HJURP: variants seen among roughly 807,000 people sequenced by gnomAD.
HJURP encodes 14-3-3-associated AKT substrate.
In HJURP, 49 loss-of-function variants were observed where a neutral mutation model predicts 72.0. The observed-to-expected ratio is 0.68, with a 90% CI of 0.54 to 0.86. The LOEUF (loss-of-function observed/expected upper bound fraction) is 0.86, where lower values mean the gene tolerates loss of function less well. Ranked by LOEUF, HJURP falls within the 40% of genes least tolerant of loss-of-function variation. HJURP has a pLI of 0.00. For synonymous variants in HJURP, 357 were observed against 347.1 expected (o/e 1.03, Z -0.32); for missense variants, 908 against 936.3 (o/e 0.97, Z 0.39).
intron 3 of HJURP, among the ~76,000 whole-genome samples, chr2:233,851,300 G>A (rs929724057): frequency 5.3e-5 from 8 of 152,132 alleles, no homozygotes; most frequent in Non-Finnish European, 1.2e-4. Context: ...GACAAGGACC[G>A]GGATTTTCTC....
Position 233,841,187 on chromosome 2 carries a change from G to C in HJURP, c.1593C>G (p.His531Gln), listed in dbSNP as rs1188807838. 7 of 1,614,098 alleles carry C rather than the reference G, an allele frequency of 4.3e-6. No individual in the cohort carries two copies. In the African/African-American group the frequency reaches 9.3e-5, roughly 22 times the overall value. The part of the protein sequence containing the change: ...SSSLPKTNPT[H>Q]SATRPQQTSD... Reference sequence around the variant, plus strand: ...ATGTCTGCTGCGGGCGAGTTGCGCTGTGTGTGGGGTTGGTCTTTGGAAGTG... The same window carrying C: ...ATGTCTGCTGCGGGCGAGTTGCGCTCTGTGTGGGGTTGGTCTTTGGAAGTG... The change falls in exon 8 of 9, where the codon CAC (histidine) becomes CAG (glutamine). Residue 531 changes from histidine (H) to glutamine (Q), a missense_variant. His to Gln is a conservative substitution (Grantham distance 24, BLOSUM62 0). Around this residue, in one of 3 missense-constraint regions of HJURP, gnomAD observed 598 missense variants for 619.5 expected, o/e 0.97. Coordinates refer to ENST00000411486, the MANE Select transcript of HJURP (RefSeq NM_018410.5).
Position 233,849,844 on chromosome 2 carries a change from G to C in HJURP, c.256C>G (p.Pro86Ala). 1 of 1,551,644 alleles carries C rather than the reference G, an allele frequency of 6.4e-7. No individual in the cohort carries two copies. The highest frequency in any genetic ancestry group is 1.4e-5 in the African/African-American group (1 of 73,218). ...EGEIQDSSMK[P>A]ADRTDGSVQA... Reference sequence around the variant, plus strand: ...ACGGAGCCATCTGTCCTGTCCGCGGGCTTCATGGAGGAGTCCTCCAAGTGC... The same window carrying C: ...ACGGAGCCATCTGTCCTGTCCGCGGCCTTCATGGAGGAGTCCTCCAAGTGC... The change falls in exon 4 of 9, where the codon CCC (proline) becomes GCC (alanine). Residue 86 changes from proline (P) to alanine (A), a missense_variant. Transcript: ENST00000411486.
At chr2:233,849,984 C>A in intron 3 of HJURP, 125 bp from the exon 4 acceptor site, 1 of 642,212 alleles carries the variant, frequency 1.6e-6, no homozygotes, top group Non-Finnish European at 2.8e-6. Context: ...TGCCACAAGG[C>A]TTCTCTTCTC....
intron 3 of HJURP, among the ~76,000 whole-genome samples, chr2:233,851,572 A>AT (rs1705496976): frequency 1.3e-5 from 2 of 152,108 alleles, no homozygotes; most frequent in African/African-American, 4.8e-5. Flanking sequence ...AAAAAACATG[A>AT]TTTTTTAAAT....
intron 7 of HJURP, among the ~76,000 whole-genome samples, chr2:233,842,627 T>G (rs1358551065): frequency 9.1e-6 from 1 of 110,348 alleles, no homozygotes; most frequent in African/African-American, 4.0e-5. Context: ...GAAAAAACCA[T>G]AAAATTGAAC....
chr2:233,847,275 T>C, intron 5 of HJURP, 122 bp downstream of exon 5: 2 of 741,124 alleles, frequency 2.7e-6, no homozygotes, highest in Non-Finnish European at 4.8e-6. Flanking sequence ...AAAGCCAGCC[T>C]CAGGAGAGGA....
chr2:233,848,142 T>A (rs965766503), intron 4 of HJURP, among the ~76,000 whole-genome samples: 1 of 152,000 alleles, frequency 6.6e-6, no homozygotes, highest in African/African-American at 2.4e-5. Flanking sequence ...TAACTATTGG[T>A]GTAGGCAAGG....
At chr2:233,848,600 T>C (rs1705426069) in intron 4 of HJURP, among the ~76,000 whole-genome samples, 1 of 152,168 alleles carries the variant, frequency 6.6e-6, no homozygotes, top group African/African-American at 2.4e-5. Flanking sequence ...CCTGGGTTTC[T>C]GGCTAACGCT....
chr2:233,841,150 C>T lies in HJURP; in HGVS notation c.1630G>A (p.Val544Ile), dbSNP rs563204744. The T allele has an allele frequency of 1.9e-5, 30 of 1,614,114 alleles. No individual in the cohort carries two copies. In the Admixed American group the frequency reaches 3.2e-4, roughly 17 times the overall value. ...AATATTCCAGAACTATTTCCCTGAA[C>T]GTGAAGGTCAGATGTCTGCTGCGGG... ...TRPQQTSDLH[V>I]QGNSSGIFRK... The change falls in exon 8 of 9, where the codon GTT (valine) becomes ATT (isoleucine). Residue 544 changes from valine (V) to isoleucine (I), a missense_variant. By Grantham distance (29) the Val-to-Ile change is conservative. This residue lies in a region of HJURP where 598 missense variants were observed against 619.5 expected (regional missense o/e 0.97). Transcript: ENST00000411486.
In HJURP at chr2:233,840,828, A is replaced by T. The variant is rs1243284019; in HGVS notation, c.1952T>A (p.Leu651Gln). Residue 651 changes from leucine (L) to glutamine (Q), a missense_variant, in exon 8 of 9, where the codon CTG becomes CAG. By Grantham distance (113) the Leu-to-Gln change is moderately radical. Transcript: ENST00000411486. ...SSPLGCRKSL[L>Q]GSTAIEAPSS... Reference sequence around the variant, plus strand: ...AGGAGCCTCAATTGCAGTTGAGCCCAGTAGACTTTTTCTGCACCCCAGGGG... The same window carrying T: ...AGGAGCCTCAATTGCAGTTGAGCCCTGTAGACTTTTTCTGCACCCCAGGGG... 6.2e-7 allele frequency: 1 copy of T among 1,613,958 alleles called. No individual in the cohort carries two copies. Among genetic ancestry groups the T allele is most frequent in the South Asian group, 1.1e-5 (1 of 91,064 alleles).
intron 6 of HJURP, 40 bp downstream of exon 6, chr2:233,845,688 A>G: frequency 7.8e-7 from 1 of 1,283,406 alleles, no homozygotes; most frequent in Non-Finnish European, 1.1e-6. Context: ...TTAGTTTATG[A>G]TCTAATTATA....
intron 2 of HJURP, among the ~76,000 whole-genome samples, chr2:233,853,636 G>A (rs1489040746): frequency 6.6e-6 from 1 of 152,204 alleles, no homozygotes; most frequent in Non-Finnish European, 1.5e-5. Context: ...CCGGTAAGCC[G>A]GAGGCATGTG....
chr2:233,849,064 C>A (rs1424361337), intron 4 of HJURP, among the ~76,000 whole-genome samples: 1 of 152,052 alleles, frequency 6.6e-6, no homozygotes, highest in Non-Finnish European at 1.5e-5. Context: ...GAAACCTCAC[C>A]CAGAGTTGGG....
chr2:233,848,620 A>G (rs540547274), intron 4 of HJURP, among the ~76,000 whole-genome samples: 2 of 152,288 alleles, frequency 1.3e-5, no homozygotes, highest in African/African-American at 4.8e-5. Context: ...TAGAGGGAAG[A>G]CGGCAGGGGC....
At chr2:233,840,366 A>T (rs1705188861) in intron 8 of HJURP, among the ~76,000 whole-genome samples, 1 of 152,252 alleles carries the variant, frequency 6.6e-6, no homozygotes, top group Non-Finnish European at 1.5e-5. Context: ...GGAAAGTGTG[A>T]AACTTCTGCA....
Position 233,836,725 on chromosome 2 carries a change from C to G in HJURP, c.*852G>C, listed in dbSNP as rs781100828. The G allele has an allele frequency of 6.6e-6, 1 of 151,558 alleles. No individual in the cohort carries two copies. Among genetic ancestry groups the G allele is most frequent in the Non-Finnish European group, 1.5e-5 (1 of 67,946 alleles). The allele number at this position is 151,558 out of a possible 1,614,324, so 9.4% of individuals were successfully genotyped here. On this transcript the variant is annotated 3_prime_UTR_variant, in exon 9 of 9. Transcript: ENST00000411486. ...TATGGCCATATATTAACTATTTACT[C>G]CAGCATGAGTTTCACCAATGTATTC...
chr2:233,847,225 A>G (rs982494520), intron 5 of HJURP, among the ~76,000 whole-genome samples, 172 bp downstream of exon 5: 4 of 152,180 alleles, frequency 2.6e-5, no homozygotes, highest in African/African-American at 4.8e-5. Flanking sequence ...TTACCGCTGA[A>G]GGGAATCGAC....
At chr2:233,847,547 G>A in intron 4 of HJURP, 86 bp from the exon 5 acceptor site, 1 of 1,126,566 alleles carries the variant, frequency 8.9e-7, no homozygotes, top group South Asian at 1.3e-5. Flanking sequence ...ATCACTTCGA[G>A]TAAGTTGTAC....
chr2:233,852,963 C>T (rs1031542286), intron 2 of HJURP, among the ~76,000 whole-genome samples: 1 of 152,184 alleles, frequency 6.6e-6, no homozygotes, highest in Non-Finnish European at 1.5e-5. Flanking sequence ...GCACTTTTCG[C>T]AGGCAATCTC....
Sources: gnomAD v4.1 joint callset for allele counts (sites outside exome capture counted in the v4.1 genomes callset) on GRCh38, gnomAD v4.1.1 for gene constraint, gnomAD v4.1.1 regional missense constraint, MANE v1.5 for transcripts, NCBI Gene and HGNC (gene_info 2026-07-23, HGNC 2026-07-21) for gene names.